Variants in PRAMEF14 observed in about 807,000 individuals in gnomAD.
The protein encoded by PRAMEF14 is PRAME family member 14.
In PRAMEF14, 24 loss-of-function variants were observed where a neutral mutation model predicts 38.3. The ratio of observed to expected loss-of-function variants is 0.63; its 90% CI spans 0.45 to 0.88. The LOEUF is 0.88. Ranked by LOEUF, PRAMEF14 falls within the 40% of genes least tolerant of loss-of-function variation. The probability of loss-of-function intolerance (pLI) is 0.00; values close to 1 mark genes in which losing one functional copy is unlikely to be tolerated. For missense variants in PRAMEF14, 477 were observed against 570.8 expected (o/e 0.84, Z 1.67); for synonymous variants, 194 against 226.4 (o/e 0.86, Z 1.29).
chr1:13,344,764 C>T lies in PRAMEF14; in HGVS notation c.288-148G>A. The T allele has an allele frequency of 1.4e-6, 2 of 1,434,944 alleles. 1 individual carries two copies. The highest frequency in any genetic ancestry group is 5.0e-5 in the East Asian group (2 of 39,702). 88.9% of individuals were successfully genotyped at this position (1,434,944 alleles called of 1,614,324 possible). A position where few individuals can be genotyped will look rare whatever the true frequency, so the allele number is the denominator to read the frequency against. ...CTCAATCCCTGTTCCCTTTTGATTCCCTTTTGATTCTGACTTTTGATTCCC... is the reference window on the plus strand; with the variant it reads ...CTCAATCCCTGTTCCCTTTTGATTCTCTTTTGATTCTGACTTTTGATTCCC... On this transcript the variant is annotated intron_variant, in intron 2 of 3. Transcript: ENST00000334600.
chr1:13,344,713 A>C (rs1458702419), intron 2 of PRAMEF14, 97 bp from the exon 3 acceptor site: 2 of 1,529,284 alleles, frequency 1.3e-6, no homozygotes, highest in Non-Finnish European at 1.8e-6. Flanking sequence ...TCCTGTCCTC[A>C]GTGCTCCCTG....
intron 1 of PRAMEF14, among the ~76,000 whole-genome samples, chr1:13,346,346 A>T (rs1640404861): frequency 6.6e-6 from 1 of 150,602 alleles, no homozygotes; most frequent in East Asian, 2.0e-4. Context: ...TGTGTCTACT[A>T]AAAATACAAA....
Position 13,342,995 on chromosome 1 carries a change from C to T in PRAMEF14, c.958G>A (p.Gly320Ser), listed in dbSNP as rs1443769195. 34 of 1,611,018 alleles carry T rather than the reference C, an allele frequency of 2.1e-5. No homozygotes were observed. The highest frequency in any genetic ancestry group is 5.4e-5 in the African/African-American group (4 of 74,758). The change falls in exon 4 of 4, where the codon GGT (glycine) becomes AGT (serine). Residue 320 changes from glycine to serine, a missense_variant. Physicochemically the swap from Gly to Ser is moderately conservative, Grantham distance 56. Coordinates refer to ENST00000334600, the MANE Select transcript of PRAMEF14 (RefSeq NM_001024661.2). ...MKCLSQYPSL[G>S]YLKHLNLSYV... ...CTGAGATTCAGATGCTTTAGGTAAC[C>T]GAGGCTTGGGTACTGGGAGAGACAC...
rs1640387451 is a variant in PRAMEF14 at position 13,345,307 on chromosome 1, A to T, written c.8T>A (p.Ile3Asn). Residue 3 changes from isoleucine to asparagine, a missense_variant, in exon 2 of 4, where the codon ATC (isoleucine) becomes AAC (asparagine). Physicochemically the swap from Ile to Asn is moderately radical, Grantham distance 149. Transcript: ENST00000334600. ...CTCCAGGAGTCTGGGTGGGGCCTGGATGCTCATCCTGATAGATCTGCAAGA... is the reference window on the plus strand; with the variant it reads ...CTCCAGGAGTCTGGGTGGGGCCTGGTTGCTCATCCTGATAGATCTGCAAGA... MS[I>N]QAPPRLLELA... 2 of 1,606,382 alleles carry T rather than the reference A, an allele frequency of 1.2e-6. No homozygotes were observed. Among genetic ancestry groups the T allele is most frequent in the Non-Finnish European group, 1.7e-6 (2 of 1,178,100 alleles).
chr1:13,344,156 C>G lies in PRAMEF14; in HGVS notation c.748G>C (p.Glu250Gln). The G allele has an allele frequency of 3.1e-6, 5 of 1,606,004 alleles. No individual in the cohort carries two copies. Among genetic ancestry groups the G allele is most frequent in the Admixed American group, 1.7e-5 (1 of 59,860 alleles). The change falls in exon 3 of 4, where the codon GAA (glutamate) becomes CAA (glutamine). Residue 250 changes from glutamate to glutamine, a missense_variant. By Grantham distance (29) the Glu-to-Gln change is conservative. Around this residue, in one of 4 missense-constraint regions of PRAMEF14, gnomAD observed 234 missense variants for 247.4 expected, o/e 0.95. Transcript: ENST00000334600. ...TTGGTGACTAACCGTCCTTCGAGTT[C>G]ATTATCTGACATGGAATGATGGCAC... is the stretch of plus-strand genomic sequence containing the variant. ...SRCHHSMSDN[E>Q]LEGRLVTKFS... is the part of the protein sequence containing the mutation.
At chr1:13,345,667 A>T (rs1640393237) in intron 1 of PRAMEF14, among the ~76,000 whole-genome samples, 1 of 150,694 alleles carries the variant, frequency 6.6e-6, no homozygotes, top group African/African-American at 2.4e-5. Context: ...CACTAAAGGG[A>T]CTCCCTAAAA....
chr1:13,346,270 G>A (rs1410000718), intron 1 of PRAMEF14, among the ~76,000 whole-genome samples: 1 of 151,570 alleles, frequency 6.6e-6, no homozygotes, highest in African/African-American at 2.4e-5. Context: ...CACTTTGGGA[G>A]TCTGAGGTGG....
chr1:13,343,385 G>A (rs1408938038), intron 3 of PRAMEF14, among the ~76,000 whole-genome samples: 2 of 148,806 alleles, frequency 1.3e-5, no homozygotes, highest in Non-Finnish European at 3.0e-5. Context: ...CAGGTACCCG[G>A]TGGGAGATGT....
chr1:13,342,586 G>A lies in PRAMEF14; in HGVS notation c.1367C>T (p.Pro456Leu), dbSNP rs1432739649. The A allele has an allele frequency of 5.6e-6, 9 of 1,604,510 alleles. 1 individual carries two copies. The African/African-American group carries it at 1.1e-4, about 19-fold the overall frequency. The part of the protein sequence containing the change: ...QPKRIFIGPT[P>L]CPSCGSSPSE... ...CGGTGATGAGCCACAGGAAGGGCAG[G>A]GGGTGGGACCAATGAAGATCCTCTT... Residue 456 changes from proline (P) to leucine (L), a missense_variant, in exon 4 of 4, where the codon CCC becomes CTC. Pro to Leu is a moderately conservative substitution (Grantham distance 98, BLOSUM62 -3). This residue lies in a region of PRAMEF14 where 151 missense variants were observed against 137.4 expected (regional missense o/e 1.10). Transcript: ENST00000334600.
rs1553186807 is a variant in PRAMEF14 at position 13,342,562 on chromosome 1, G to T, written c.1391C>A (p.Pro464Gln). The T allele has an allele frequency of 3.7e-6, 6 of 1,604,536 alleles. No homozygotes were observed. Among genetic ancestry groups the T allele is most frequent in the African/African-American group, 1.3e-5 (1 of 74,664 alleles). The change falls in exon 4 of 4, where the codon CCG becomes CAG. Residue 464 changes from proline to glutamine, a missense_variant. By Grantham distance (76) the Pro-to-Gln change is moderately conservative. This residue lies in a region of PRAMEF14 where 151 missense variants were observed against 137.4 expected (regional missense o/e 1.10). Transcript: ENST00000334600. ...PTPCPSCGSS[P>Q]SEELELHLCC The stretch of plus-strand genomic sequence containing the variant: ...AAGATGGAGCTCCAGTTCCTCAGAC[G>T]GTGATGAGCCACAGGAAGGGCAGGG...
Position 13,344,287 on chromosome 1 carries a change from C to G in PRAMEF14, c.617G>C (p.Ser206Thr), listed in dbSNP as rs1640371783. The G allele has an allele frequency of 2.0e-5, 32 of 1,606,300 alleles. 3 individuals carry two copies. Among genetic ancestry groups the G allele is most frequent in the Non-Finnish European group, 2.7e-5 (32 of 1,177,012 alleles). The change falls in exon 3 of 4, where the codon AGT becomes ACT. Residue 206 changes from serine (S) to threonine (T), a missense_variant. Transcript: ENST00000334600. The part of the protein sequence containing the change: ...RKSLKIIYLN[S>T]IQQLEIRNMS... ...GTTGCGAATTTCCAGCTGTTGAATACTATTCAGGTATATTATTTTCAATGA... is the reference window on the plus strand; with the variant it reads ...GTTGCGAATTTCCAGCTGTTGAATAGTATTCAGGTATATTATTTTCAATGA...
chr1:13,344,765 C>T (rs1640379823), intron 2 of PRAMEF14, 149 bp from the exon 3 acceptor site: 2 of 1,435,202 alleles, frequency 1.4e-6, no homozygotes, highest in African/African-American at 1.4e-5. Context: ...TTTTGATTCC[C>T]TTTTGATTCT....
At chr1:13,343,884 T>C (rs1157771488) in intron 3 of PRAMEF14, 154 bp downstream of exon 3, 1 of 1,508,064 alleles carries the variant, frequency 6.6e-7, no homozygotes, top group Non-Finnish European at 9.0e-7. Flanking sequence ...CTCCAGGACA[T>C]GGAACACTGA....
chr1:13,344,577 A>C lies in PRAMEF14; in HGVS notation c.327T>G (p.Asp109Glu), dbSNP rs1266446566. 2.5e-6 allele frequency: 4 copies of C among 1,601,630 alleles called. No individual in the cohort carries two copies. The highest frequency in any genetic ancestry group is 4.8e-5 in the East Asian group (2 of 41,412). The change falls in exon 3 of 4, where the codon GAT (aspartate) becomes GAG (glutamate). Residue 109 changes from aspartate to glutamate, a missense_variant. Physicochemically the swap from Asp to Glu is conservative, Grantham distance 45. Transcript: ENST00000334600. Reference protein sequence around the residue: ...KLQVLDLRDVDENFWARWPGA... With the variant: ...KLQVLDLRDVEENFWARWPGA... ...CAGGCCATCTGGCCCAGAAATTCTCATCAACATCCCGCAAATCCAGCACTT... is the reference window on the plus strand; with the variant it reads ...CAGGCCATCTGGCCCAGAAATTCTCCTCAACATCCCGCAAATCCAGCACTT...
chr1:13,343,938 G>C (rs1289842884), intron 3 of PRAMEF14, 100 bp downstream of exon 3: 7 of 1,532,560 alleles, frequency 4.6e-6, no homozygotes, highest in Non-Finnish European at 6.2e-6. Context: ...TCACTGTGAC[G>C]TTGCCACTGG....
Position 13,344,194 on chromosome 1 carries a change from A to T in PRAMEF14, c.710T>A (p.Leu237His). ...GGAATGATGGCACCTGGAGAAAACG[A>T]GTTTGCGAAGATTCTTCATCTCCTT... The part of the protein sequence containing the change: ...YLKEMKNLRK[L>H]VFSRCHHSMS... Residue 237 changes from leucine (L) to histidine (H), a missense_variant, in exon 3 of 4, where the codon CTC becomes CAC. Physicochemically the swap from Leu to His is moderately conservative, Grantham distance 99. This residue lies in a region of PRAMEF14 where 234 missense variants were observed against 247.4 expected (regional missense o/e 0.95). Transcript: ENST00000334600. The T allele has an allele frequency of 6.2e-7, 1 of 1,608,566 alleles. No homozygotes were observed. The highest frequency in any genetic ancestry group is 1.7e-5 in the Admixed American group (1 of 59,840).
chr1:13,342,621 G>A lies in PRAMEF14; in HGVS notation c.1332C>T (p.Val444=). 1.9e-6 allele frequency: 3 copies of A among 1,605,016 alleles called. 1 individual carries two copies. Among genetic ancestry groups the A allele is most frequent in the Non-Finnish European group, 2.5e-6 (3 of 1,178,014 alleles). ...RAELMCTLRE[V]RQPKRIFIGP... ...CAATGAAGATCCTCTTGGGCTGCCT[G>A]ACTTCCCTCAGTGTACACATCAGCT... is the stretch of plus-strand genomic sequence containing the variant. The change falls in exon 4 of 4, where the codon GTC becomes GTT. Residue 444 remains valine, a synonymous_variant. Coordinates refer to ENST00000334600, the MANE Select transcript of PRAMEF14 (RefSeq NM_001024661.2).
intron 1 of PRAMEF14, among the ~76,000 whole-genome samples, chr1:13,346,844 C>T (rs1311005351): frequency 2.7e-5 from 4 of 150,176 alleles, no homozygotes; most frequent in African/African-American, 9.7e-5. Context: ...AAACCTGCTT[C>T]GATAAGAATT....
rs1373522229 is a variant in PRAMEF14, at chr1:13,345,302, C to T, written c.13G>A (p.Ala5Thr). 3.1e-6 allele frequency: 5 copies of T among 1,606,674 alleles called. No individual in the cohort carries two copies. Among genetic ancestry groups the T allele is most frequent in the Non-Finnish European group, 2.5e-6 (3 of 1,178,284 alleles). The stretch of plus-strand genomic sequence containing the variant: ...GCCAGCTCCAGGAGTCTGGGTGGGG[C>T]CTGGATGCTCATCCTGATAGATCTG... Reference protein sequence around the residue: MSIQAPPRLLELAGQ... With the variant: MSIQTPPRLLELAGQ... The change falls in exon 2 of 4, where the codon GCC (alanine) becomes ACC (threonine). Residue 5 changes from alanine (A) to threonine (T), a missense_variant. Ala to Thr is a moderately conservative substitution (Grantham distance 58, BLOSUM62 0). Around this residue, in one of 4 missense-constraint regions of PRAMEF14, gnomAD observed 58 missense variants for 119.9 expected, o/e 0.48. Coordinates refer to ENST00000334600, the MANE Select transcript of PRAMEF14 (RefSeq NM_001024661.2).
Sources: allele counts gnomAD v4.1 joint callset (sites outside exome capture counted in the v4.1 genomes callset), GRCh38; gene constraint gnomAD v4.1.1; regional missense constraint gnomAD v4.1.1; transcripts MANE v1.5; gene names NCBI Gene and HGNC (gene_info 2026-07-23, HGNC 2026-07-21).